The following KATNBL1 variants were observed in gnomAD, a reference collection of about 807,000 sequenced individuals.
The protein encoded by KATNBL1 is KATNB1-like protein 1.
A neutral mutation model predicts 44.7 loss-of-function variants in KATNBL1; 28 were observed. That is an observed-to-expected ratio of 0.63 (90% CI 0.46 to 0.86). KATNBL1 has a LOEUF of 0.86. KATNBL1 is among the 40% of genes least tolerant of loss of function. The pLI is 0.00. For missense variants in KATNBL1, 272 were observed against 350.7 expected (o/e 0.78, Z 1.79); for synonymous variants, 78 against 114.9 (o/e 0.68, Z 2.06).
chr15:34,168,057 CATA>C (rs1248667370), intron 1 of KATNBL1, among the ~76,000 whole-genome samples: 1 of 152,164 alleles, frequency 6.6e-6, no homozygotes, highest in Non-Finnish European at 1.5e-5. Context: ...TAGCTAGCAT[CATA>C]ATGACAGGAT....
At position 34,141,752 on chromosome 15, in the gene KATNBL1, T is replaced by C. The variant is rs893312425; in HGVS notation, c.*587A>G. The C allele has an allele frequency of 3.9e-5, 6 of 152,618 alleles. No homozygotes were observed. Among genetic ancestry groups the C allele is most frequent in the African/African-American group, 1.4e-4 (6 of 41,458 alleles). The allele number at this position is 152,618 out of a possible 1,614,324, so 9.5% of individuals were successfully genotyped here. A position where few individuals can be genotyped will look rare whatever the true frequency, so the allele number is the denominator to read the frequency against. ...GTTGGTTTTAGTTTTTTAAAACAGA[T>C]ATTGGTATCATAACACATTGGCTTA... On this transcript the variant is annotated 3_prime_UTR_variant, in exon 10 of 10. Transcript: ENST00000256544.
rs537622742 is a variant in KATNBL1, at chr15:34,191,126, T to C, written c.-15+18825A>G. 4.7e-3 allele frequency among the ~76,000 whole-genome samples: 694 copies of C among 146,818 alleles called. 7 individuals carry two copies. Among genetic ancestry groups the C allele is most frequent in the South Asian group, 0.014 (66 of 4,656 alleles). On this transcript the variant is annotated intron_variant, in intron 1 of 9. Transcript: ENST00000256544. ...GTATTTCTGTCACTATAGTTTGCCT[T>C]TTCAAAAATTTCATATAAATCATAG...
chr15:34,145,455 T>C lies in KATNBL1; in HGVS notation c.825A>G (p.Leu275=). Residue 275 remains leucine (L), a synonymous_variant, in exon 9 of 10, where the codon TTA becomes TTG. Transcript: ENST00000256544. ...IQILKQQLSG[L]WEQENHLTLV... ...AAGTAAGATGGTTTTCCTGTTCCCA[T>C]AATCCACTTAATTGTTGTTTTAAAA... is the stretch of plus-strand genomic sequence containing the variant. 6.8e-7 allele frequency: 1 copy of C among 1,462,508 alleles called. No homozygotes were observed. Among genetic ancestry groups the C allele is most frequent in the Non-Finnish European group, 9.0e-7 (1 of 1,112,628 alleles). The allele number at this position is 1,462,508 out of a possible 1,614,324, so 90.6% of individuals were successfully genotyped here.
chr15:34,193,707 C>T (rs1305816047), intron 1 of KATNBL1, among the ~76,000 whole-genome samples: 2 of 151,440 alleles, frequency 1.3e-5, no homozygotes, highest in Admixed American at 6.6e-5. Flanking sequence ...CAAAAATTAG[C>T]CGGGCATAGT....
intron 3 of KATNBL1, among the ~76,000 whole-genome samples, chr15:34,154,385 T>G (rs1388264693): frequency 2.6e-5 from 4 of 152,192 alleles, no homozygotes; most frequent in African/African-American, 9.7e-5. Context: ...TCTGAACAAA[T>G]CATTTAACTT....
intron 1 of KATNBL1, among the ~76,000 whole-genome samples, chr15:34,200,260 CTTT>C (rs964530272): frequency 6.7e-6 from 1 of 148,174 alleles, no homozygotes; most frequent in African/African-American, 2.5e-5. Context: ...TCTCTCTCTT[CTTT>C]TTTTTTTGAG....
intron 1 of KATNBL1, among the ~76,000 whole-genome samples, chr15:34,184,780 A>T (rs1889674631): frequency 6.6e-6 from 1 of 150,728 alleles, no homozygotes; most frequent in Non-Finnish European, 1.5e-5. Flanking sequence ...TCACCTTGTT[A>T]GCCAGGATGG....
intron 1 of KATNBL1, among the ~76,000 whole-genome samples, chr15:34,195,457 T>C (rs1369144505): frequency 2.0e-5 from 3 of 152,122 alleles, no homozygotes; most frequent in African/African-American, 7.2e-5. Context: ...AGGTGGATGA[T>C]GAAAGCTTGC....
At chr15:34,158,148 C>G (rs376907697) in intron 2 of KATNBL1, among the ~76,000 whole-genome samples, 2 of 152,274 alleles carry the variant, frequency 1.3e-5, no homozygotes, top group African/African-American at 4.8e-5. Context: ...TACTAGGCAA[C>G]TATCTGTAAC....
intron 4 of KATNBL1, among the ~76,000 whole-genome samples, chr15:34,150,429 A>G (rs558080770): frequency 6.6e-6 from 1 of 152,268 alleles, no homozygotes; most frequent in South Asian, 2.1e-4. Flanking sequence ...CCCTGTCGCT[A>G]TAGGAAATAC....
At chr15:34,176,710 G>A (rs1404784865) in intron 1 of KATNBL1, among the ~76,000 whole-genome samples, 1 of 152,064 alleles carries the variant, frequency 6.6e-6, no homozygotes, top group Non-Finnish European at 1.5e-5. Context: ...TTTAAGACAG[G>A]TGAATTTTAT....
rs1277946714 is a variant in KATNBL1, at chr15:34,141,188, A to G, written c.*1151T>C. 6.6e-6 allele frequency: 1 copy of G among 152,558 alleles called. No individual in the cohort carries two copies. The highest frequency in any genetic ancestry group is 1.5e-5 in the Non-Finnish European group (1 of 67,984). 9.5% of individuals were successfully genotyped at this position (152,558 alleles called of 1,614,324 possible). On this transcript the variant is annotated 3_prime_UTR_variant, in exon 10 of 10. Transcript: ENST00000256544. ...TCCAGAATTTGGTTCACTGACACTAAAAGTGGTATTTTAAAAAAAGACCTC... is the reference window on the plus strand; with the variant it reads ...TCCAGAATTTGGTTCACTGACACTAGAAGTGGTATTTTAAAAAAAGACCTC...
At chr15:34,207,187 A>G (rs903887445) in intron 1 of KATNBL1, among the ~76,000 whole-genome samples, 1 of 151,650 alleles carries the variant, frequency 6.6e-6, no homozygotes, top group South Asian at 2.1e-4. Flanking sequence ...CTACAGGCGC[A>G]TGCCACTACA....
At chr15:34,153,638 T>C (rs936129654) in intron 3 of KATNBL1, among the ~76,000 whole-genome samples, 2 of 152,048 alleles carry the variant, frequency 1.3e-5, no homozygotes, top group Non-Finnish European at 2.9e-5. Flanking sequence ...TGGCACAATC[T>C]CAGCTCACTG....
At chr15:34,177,089 T>C (rs906731272) in intron 1 of KATNBL1, among the ~76,000 whole-genome samples, 1 of 152,172 alleles carries the variant, frequency 6.6e-6, no homozygotes, top group African/African-American at 2.4e-5. Flanking sequence ...AATAAGGTCT[T>C]AAGAGAATAA....
At chr15:34,189,212 T>C (rs998287275) in intron 1 of KATNBL1, among the ~76,000 whole-genome samples, 1 of 152,118 alleles carries the variant, frequency 6.6e-6, no homozygotes, top group Non-Finnish European at 1.5e-5. Context: ...TTAGTAGAGA[T>C]GGGGTTTTGC....
chr15:34,169,452 C>T (rs1386407980), intron 1 of KATNBL1, among the ~76,000 whole-genome samples: 1 of 152,110 alleles, frequency 6.6e-6, no homozygotes, highest in African/African-American at 2.4e-5. Flanking sequence ...TAATTAATAG[C>T]CTACCAACCA....
At position 34,190,833 on chromosome 15, in the gene KATNBL1, C is replaced by A. The variant is rs535738123; in HGVS notation, c.-15+19118G>T. ...TCAAGCTTCAACTGCCTGTTACCAA[C>A]TACCAGTTTAATGGAAATACAGAAG... On this transcript the variant is annotated intron_variant, in intron 1 of 9. Coordinates refer to ENST00000256544, the MANE Select transcript of KATNBL1 (RefSeq NM_024713.3). Among the ~76,000 whole-genome samples the A allele has an allele frequency of 3.9e-5, 6 of 152,230 alleles. No individual in the cohort carries two copies. In the South Asian group the frequency reaches 1.0e-3, roughly 26 times the overall value.
intron 2 of KATNBL1, among the ~76,000 whole-genome samples, chr15:34,155,399 G>T (rs1440923729): frequency 6.6e-6 from 1 of 152,164 alleles, no homozygotes; most frequent in Non-Finnish European, 1.5e-5. Flanking sequence ...ACTAGCCCAC[G>T]GATGCGAGGT....
Sources: allele counts gnomAD v4.1 joint callset (sites outside exome capture counted in the v4.1 genomes callset), GRCh38; gene constraint gnomAD v4.1.1; transcripts MANE v1.5; gene names NCBI Gene and HGNC (gene_info 2026-07-23, HGNC 2026-07-21).